Variants in HS2ST1 observed in about 807,000 individuals in gnomAD.
HS2ST1 encodes the protein 2-O-sulfotransferase.
Under a neutral mutation model 42.9 loss-of-function variants are expected in HS2ST1, and 18 were observed. That is an observed-to-expected ratio of 0.42 (90% CI 0.29 to 0.62). HS2ST1 has a LOEUF of 0.62. HS2ST1 is among the 20% of genes least tolerant of loss of function. HS2ST1 has a pLI of 0.21. For synonymous variants in HS2ST1, 146 were observed against 152.9 expected (o/e 0.95, Z 0.33); for missense variants, 334 against 433.8 (o/e 0.77, Z 2.04).
At chr1:86,922,912 G>A (rs1021643502) in intron 1 of HS2ST1, among the ~76,000 whole-genome samples, 13 of 152,034 alleles carry the variant, frequency 8.6e-5, no homozygotes, top group South Asian at 2.1e-4. Context: ...ATTTCTTCAC[G>A]TTAGTTTTTC....
At position 86,951,743 on chromosome 1, in the gene HS2ST1, C is replaced by T. The variant is rs546618901; in HGVS notation, c.124+36583C>T. 1.9e-3 allele frequency among the ~76,000 whole-genome samples: 292 copies of T among 152,306 alleles called. 1 individual carries two copies. The highest frequency in any genetic ancestry group is 6.7e-3 in the African/African-American group (277 of 41,578). Reference sequence around the variant, plus strand: ...GAGTGCTGTTTGATAGCATTTTACCCACAGTAGAAATTCCTTCAAAATTGG... The same window carrying T: ...GAGTGCTGTTTGATAGCATTTTACCTACAGTAGAAATTCCTTCAAAATTGG... On this transcript the variant is annotated intron_variant, in intron 1 of 6. Transcript: ENST00000370550.
chr1:86,962,336 A>G (rs959142427), intron 1 of HS2ST1, among the ~76,000 whole-genome samples: 1 of 152,182 alleles, frequency 6.6e-6, no homozygotes, highest in African/African-American at 2.4e-5. Flanking sequence ...AAGGTAATAC[A>G]AATTGAGATA....
chr1:87,099,897 G>C (rs1221133598), intron 5 of HS2ST1, among the ~76,000 whole-genome samples: 1 of 152,208 alleles, frequency 6.6e-6, no homozygotes, highest in East Asian at 1.9e-4. Flanking sequence ...CAGCAGGGCA[G>C]TCATTAAATC....
At chr1:86,916,447 T>C (rs1294617001) in intron 1 of HS2ST1, among the ~76,000 whole-genome samples, 2 of 152,210 alleles carry the variant, frequency 1.3e-5, no homozygotes, top group African/African-American at 2.4e-5. Flanking sequence ...ATAGTAGCTA[T>C]TTTGGTACAA....
At chr1:86,999,792 AT>A (rs1649226235) in intron 1 of HS2ST1, among the ~76,000 whole-genome samples, 1 of 152,110 alleles carries the variant, frequency 6.6e-6, no homozygotes, top group Non-Finnish European at 1.5e-5. Flanking sequence ...ATACACAGTG[AT>A]TTTTCCTTTC....
At chr1:87,036,452 A>C (rs1448530798) in intron 1 of HS2ST1, among the ~76,000 whole-genome samples, 1 of 152,128 alleles carries the variant, frequency 6.6e-6, no homozygotes. Flanking sequence ...ATTATAGTTG[A>C]GATTTGAGAT....
chr1:86,914,777 C>T lies in HS2ST1; in HGVS notation c.-260C>T, dbSNP rs943402482. On this transcript the variant is annotated 5_prime_UTR_variant, in exon 1 of 7. Coordinates refer to ENST00000370550, the MANE Select transcript of HS2ST1 (RefSeq NM_012262.4). ...GGAGGCGAGAGCCCGGCAGCCGCTTCGCGCTGTTTGCTGCGCGGGCTTTTG... is the reference window on the plus strand; with the variant it reads ...GGAGGCGAGAGCCCGGCAGCCGCTTTGCGCTGTTTGCTGCGCGGGCTTTTG... 4 of 517,484 alleles carry T rather than the reference C, an allele frequency of 7.7e-6. No homozygotes were observed. Among genetic ancestry groups the T allele is most frequent in the African/African-American group, 2.0e-5 (1 of 50,100 alleles). 32.1% of individuals were successfully genotyped at this position (517,484 alleles called of 1,614,324 possible). A position where few individuals can be genotyped will look rare whatever the true frequency, so the allele number is the denominator to read the frequency against.
chr1:87,092,663 CA>C lies in HS2ST1; in HGVS notation c.587del (p.Lys196ArgfsTer7). 1 of 1,521,664 alleles carries C rather than the reference CA, an allele frequency of 6.6e-7. No individual in the cohort carries two copies. Among genetic ancestry groups the C allele is most frequent in the South Asian group, 1.3e-5 (1 of 75,080 alleles). The allele number at this position is 1,521,664 out of a possible 1,614,324, so 94.3% of individuals were successfully genotyped here. ...GGTTACGGAGACGAAAACAAGGAGA[CA>C]AAAAGGTAATATTTTAGTTTTAAGA... ...PGLRRRKQGD[K>X]KTFDECVAEG... On this transcript the variant is annotated frameshift_variant, in exon 4 of 7. Transcript: ENST00000370550. LOFTEE classifies it high-confidence loss of function.
intron 1 of HS2ST1, among the ~76,000 whole-genome samples, chr1:86,989,444 A>G (rs1237851905): frequency 6.6e-6 from 1 of 152,256 alleles, no homozygotes; most frequent in Non-Finnish European, 1.5e-5. Flanking sequence ...TAAATCAACT[A>G]GTTCCTTAAG....
intron 1 of HS2ST1, among the ~76,000 whole-genome samples, chr1:86,944,663 A>T (rs910012145): frequency 6.6e-6 from 1 of 152,084 alleles, no homozygotes; most frequent in African/African-American, 2.4e-5. Flanking sequence ...CAAAATTGAC[A>T]TGCTTTTCTG....
In HS2ST1 at chr1:86,930,161, C is replaced by T. The variant is rs112092003; in HGVS notation, c.124+15001C>T. Among the ~76,000 whole-genome samples, 291 of 151,872 alleles carry T rather than the reference C, an allele frequency of 1.9e-3. 1 individual carries two copies. The highest frequency in any genetic ancestry group is 6.7e-3 in the African/African-American group (278 of 41,496). On this transcript the variant is annotated intron_variant, in intron 1 of 6. Coordinates refer to ENST00000370550, the MANE Select transcript of HS2ST1 (RefSeq NM_012262.4). ...GCATTATTCTTAAGTACAGGTCAGCCTTACTGTTGAATTTAACATGTAGCT... is the reference window on the plus strand; with the variant it reads ...GCATTATTCTTAAGTACAGGTCAGCTTTACTGTTGAATTTAACATGTAGCT...
At chr1:87,090,295 G>T (rs1308194839) in intron 3 of HS2ST1, among the ~76,000 whole-genome samples, 2 of 151,996 alleles carry the variant, frequency 1.3e-5, no homozygotes, top group African/African-American at 4.8e-5. Context: ...AGAGAGAAAT[G>T]GTCCCTGCCC....
At chr1:86,918,933 A>G (rs1406379383) in intron 1 of HS2ST1, among the ~76,000 whole-genome samples, 1 of 147,954 alleles carries the variant, frequency 6.8e-6, no homozygotes, top group East Asian at 2.0e-4. Flanking sequence ...GTAATCCTTT[A>G]TCTATCCTAT....
At chr1:87,079,263 G>A (rs1462197425) in intron 2 of HS2ST1, among the ~76,000 whole-genome samples, 8 of 151,898 alleles carry the variant, frequency 5.3e-5, no homozygotes, top group African/African-American at 1.5e-4. Context: ...TCAGCCTCCC[G>A]TGTAGCTAGG....
At chr1:87,074,336 A>G (rs1020884451) in intron 2 of HS2ST1, among the ~76,000 whole-genome samples, 1 of 152,220 alleles carries the variant, frequency 6.6e-6, no homozygotes, top group African/African-American at 2.4e-5. Flanking sequence ...CAAGTATCCT[A>G]AATATTCTGT....
At chr1:87,029,013 C>T (rs528349235) in intron 1 of HS2ST1, among the ~76,000 whole-genome samples, 1 of 152,170 alleles carries the variant, frequency 6.6e-6, no homozygotes, top group South Asian at 2.1e-4. Context: ...CAAACTTTCC[C>T]AAGTGTTATC....
intron 3 of HS2ST1, among the ~76,000 whole-genome samples, chr1:87,090,241 T>G (rs1024701691): frequency 2.0e-5 from 3 of 151,998 alleles, no homozygotes; most frequent in Non-Finnish European, 2.9e-5. Context: ...TCAGCACCTG[T>G]GTGTTGGGCA....
chr1:87,021,658 G>A (rs1649956701), intron 1 of HS2ST1, among the ~76,000 whole-genome samples: 1 of 152,112 alleles, frequency 6.6e-6, no homozygotes, highest in African/African-American at 2.4e-5. Context: ...GGAACTACAA[G>A]GTGCATACCA....
At chr1:86,953,695 G>A (rs891660443) in intron 1 of HS2ST1, among the ~76,000 whole-genome samples, 1 of 152,126 alleles carries the variant, frequency 6.6e-6, no homozygotes, top group African/African-American at 2.4e-5. Flanking sequence ...GGAGATGGAG[G>A]TTGCAGTGAG....
Sources: gnomAD v4.1 joint callset for allele counts (sites outside exome capture counted in the v4.1 genomes callset) on GRCh38, gnomAD v4.1.1 for gene constraint, MANE v1.5 for transcripts, NCBI Gene and HGNC (gene_info 2026-07-23, HGNC 2026-07-21) for gene names.